Variants in MYO3B observed in about 807,000 individuals in gnomAD.
MYO3B encodes myosin-IIIb.
In MYO3B, 156 loss-of-function variants were observed where a neutral mutation model predicts 174.6. That is an observed-to-expected ratio of 0.89 (90% CI 0.78 to 1.02). MYO3B has a LOEUF of 1.02. Among genes scored for constraint, MYO3B ranks in the 50% least tolerant of loss-of-function variants. MYO3B has a pLI of 0.00. For missense variants in MYO3B, 1,632 were observed against 1,639.4 expected (o/e 1.00, Z 0.08); for synonymous variants, 563 against 569.1 (o/e 0.99, Z 0.15).
chr2:170,226,309 C>G (rs7578099), intron 6 of MYO3B, among the ~76,000 whole-genome samples: 8,198 of 152,292 alleles, frequency 0.054, 398 homozygotes, highest in African/African-American at 0.13. Context: ...AGACATTCAT[C>G]TCTGAGATTC....
At chr2:170,337,201 A>G (rs564284902) in intron 8 of MYO3B, among the ~76,000 whole-genome samples, 7 of 152,196 alleles carry the variant, frequency 4.6e-5, no homozygotes, top group Admixed American at 3.9e-4. Flanking sequence ...GGAGGGAACT[A>G]AAGGGCTGAA....
At chr2:170,584,387 C>T (rs1242565781) in intron 32 of MYO3B, among the ~76,000 whole-genome samples, 2 of 152,184 alleles carry the variant, frequency 1.3e-5, no homozygotes, top group South Asian at 2.1e-4. Flanking sequence ...ACCAATTAGT[C>T]CACACTATCA....
chr2:170,490,091 T>C (rs2106041627), intron 25 of MYO3B, among the ~76,000 whole-genome samples: 1 of 150,488 alleles, frequency 6.6e-6, no homozygotes, highest in Non-Finnish European at 1.5e-5. Flanking sequence ...TGCAGTGGCG[T>C]GATCTTGGCT....
intron 16 of MYO3B, among the ~76,000 whole-genome samples, chr2:170,394,396 CTG>C (rs2094432679): frequency 6.6e-6 from 1 of 152,016 alleles, no homozygotes; most frequent in Non-Finnish European, 1.5e-5. Context: ...ACGTTGAAAA[CTG>C]TTAAAATCTG....
chr2:170,326,368 A>G (rs2093867536), intron 7 of MYO3B, among the ~76,000 whole-genome samples: 2 of 152,240 alleles, frequency 1.3e-5, no homozygotes, highest in Non-Finnish European at 2.9e-5. Flanking sequence ...GTGAAAAAGA[A>G]CAGGGTTGTG....
chr2:170,600,637 C>T (rs1694448055), intron 32 of MYO3B, among the ~76,000 whole-genome samples: 1 of 152,128 alleles, frequency 6.6e-6, no homozygotes, highest in Non-Finnish European at 1.5e-5. Flanking sequence ...ACATCTATAG[C>T]CAGCATTTTC....
chr2:170,599,317 A>G (rs2106339214), intron 32 of MYO3B, among the ~76,000 whole-genome samples: 1 of 152,282 alleles, frequency 6.6e-6, no homozygotes, highest in East Asian at 1.9e-4. Flanking sequence ...GGTGTATACA[A>G]TCTGTTTTAT....
intron 7 of MYO3B, among the ~76,000 whole-genome samples, chr2:170,261,374 C>G (rs1273669203): frequency 6.6e-6 from 1 of 152,158 alleles, no homozygotes; most frequent in Non-Finnish European, 1.5e-5. Context: ...TAGACCCTGT[C>G]TCTACCAAAA....
rs1298648100 is a variant in MYO3B, at chr2:170,214,492, A to G, written c.426+9A>G. The G allele has an allele frequency of 6.2e-7, 1 of 1,611,348 alleles. No homozygotes were observed. Among genetic ancestry groups the G allele is most frequent in the Non-Finnish European group, 8.5e-7 (1 of 1,177,560 alleles). ...TGTACGGGGCCCTCTTGGTAAGAAC[A>G]TCTATCAAATGGGGTATGACAGCAG... is the stretch of plus-strand genomic sequence containing the variant. On this transcript the variant is annotated intron_variant, in intron 4 of 34. Coordinates refer to ENST00000408978, the MANE Select transcript of MYO3B (RefSeq NM_138995.5).
intron 7 of MYO3B, chr2:170,334,956 C>T (rs2093937213): frequency 6.4e-6 from 1 of 155,688 alleles, no homozygotes; most frequent in Admixed American, 6.5e-5. Flanking sequence ...AAATGCATCA[C>T]ATAATTAATC....
At chr2:170,259,775 G>T (rs909732679) in intron 7 of MYO3B, among the ~76,000 whole-genome samples, 2 of 151,906 alleles carry the variant, frequency 1.3e-5, no homozygotes, top group South Asian at 4.2e-4. Context: ...ATCAATAAAT[G>T]GATAACTTAC....
At chr2:170,225,723 T>C (rs2092945128) in intron 6 of MYO3B, among the ~76,000 whole-genome samples, 2 of 152,142 alleles carry the variant, frequency 1.3e-5, no homozygotes, top group Non-Finnish European at 2.9e-5. Flanking sequence ...CTGCTACCCA[T>C]ATAACCAGTA....
intron 28 of MYO3B, among the ~76,000 whole-genome samples, chr2:170,513,761 G>T (rs1688123825): frequency 6.6e-6 from 1 of 152,114 alleles, no homozygotes; most frequent in Admixed American, 6.6e-5. Flanking sequence ...TTACTTTGAG[G>T]CAGCTAGAAA....
intron 32 of MYO3B, among the ~76,000 whole-genome samples, chr2:170,574,214 G>C (rs1692641803): frequency 6.6e-6 from 1 of 152,168 alleles, no homozygotes; most frequent in South Asian, 2.1e-4. Flanking sequence ...TGACCATCTT[G>C]ATGATATGCA....
Position 170,444,040 on chromosome 2 carries a change from A to C in MYO3B, c.2724A>C (p.Lys908Asn). ...SSLPPHFSAG[K>N]AKVDTLEVIR... ...TGCCTCCACATTTCAGTGCTGGGAA[A>C]GCCAAGGTGAGTAACAGATTTGCAC... The change falls in exon 23 of 35, where the codon AAA becomes AAC. Residue 908 changes from lysine (K) to asparagine (N), a missense_variant. Coordinates refer to ENST00000408978, the MANE Select transcript of MYO3B (RefSeq NM_138995.5). 1 of 1,612,666 alleles carries C rather than the reference A, an allele frequency of 6.2e-7. No homozygotes were observed. The highest frequency in any genetic ancestry group is 8.5e-7 in the Non-Finnish European group (1 of 1,178,958).
chr2:170,377,136 C>T (rs2094299684), intron 9 of MYO3B, among the ~76,000 whole-genome samples: 1 of 152,188 alleles, frequency 6.6e-6, no homozygotes, highest in African/African-American at 2.4e-5. Flanking sequence ...GTTCATAGGA[C>T]TAGCAGCTCA....
chr2:170,246,384 T>A (rs944977840), intron 7 of MYO3B, among the ~76,000 whole-genome samples: 1 of 152,218 alleles, frequency 6.6e-6, no homozygotes, highest in African/African-American at 2.4e-5. Context: ...ACAGGTATGT[T>A]GAAGTTTTAA....
At chr2:170,317,451 A>G (rs896576980) in intron 7 of MYO3B, among the ~76,000 whole-genome samples, 3 of 138,064 alleles carry the variant, frequency 2.2e-5, no homozygotes, top group Admixed American at 7.5e-5. Flanking sequence ...GGATGATTCT[A>G]TGCAAAGGGC....
At chr2:170,302,973 A>G (rs2093675762) in intron 7 of MYO3B, among the ~76,000 whole-genome samples, 1 of 152,110 alleles carries the variant, frequency 6.6e-6, no homozygotes, top group African/African-American at 2.4e-5. Context: ...TTATCTTTTC[A>G]TTCTTGAGTC....
Sources: allele counts gnomAD v4.1 joint callset (sites outside exome capture counted in the v4.1 genomes callset), GRCh38; gene constraint gnomAD v4.1.1; transcripts MANE v1.5; gene names NCBI Gene and HGNC (gene_info 2026-07-23, HGNC 2026-07-21).